Variants in PDE10A observed in about 807,000 individuals in gnomAD.
The protein encoded by PDE10A is cAMP and cAMP-inhibited cGMP 3',5'-cyclic phosphodiesterase 10A.
Under a neutral mutation model 97.7 loss-of-function variants are expected in PDE10A, and 39 were observed. The ratio of observed to expected loss-of-function variants is 0.40; its 90% CI spans 0.31 to 0.52. The LOEUF (loss-of-function observed/expected upper bound fraction) is 0.52, where lower values mean the gene tolerates loss of function less well. Among genes scored for constraint, PDE10A ranks in the 20% least tolerant of loss-of-function variants. The pLI is 0.56. For missense variants in PDE10A, 731 were observed against 1,047.8 expected (o/e 0.70, Z 4.17); for synonymous variants, 371 against 376.8 (o/e 0.98, Z 0.18).
rs554983839 is a variant in PDE10A at position 165,349,658 on chromosome 6, C to A, written c.2784-6156G>T. Among the ~76,000 whole-genome samples the A allele has an allele frequency of 4.6e-5, 7 of 152,278 alleles. No individual in the cohort carries two copies. In the East Asian group the frequency reaches 1.4e-3, roughly 29 times the overall value. ...GGATGTCTCCAGGGCACGTAAAAGA[C>A]CTTCATGGCAGCTCCTCCCATCACA... On this transcript the variant is annotated intron_variant, in intron 18 of 21. Transcript: ENST00000539869.
chr6:165,811,702 G>C (rs954424444), intron 1 of PDE10A, among the ~76,000 whole-genome samples: 1 of 152,162 alleles, frequency 6.6e-6, no homozygotes. Context: ...GAGGCCGGGA[G>C]GGGGGCTCTG....
intron 1 of PDE10A, among the ~76,000 whole-genome samples, chr6:165,758,610 A>G (rs148991646): frequency 6.6e-6 from 1 of 151,610 alleles, no homozygotes; most frequent in African/African-American, 2.4e-5. Context: ...GCAGCAGAAG[A>G]AGCAGCAGAA....
At chr6:165,765,835 C>G (rs367876872) in intron 1 of PDE10A, among the ~76,000 whole-genome samples, 11 of 152,116 alleles carry the variant, frequency 7.2e-5, no homozygotes, top group African/African-American at 2.7e-4. Flanking sequence ...ACTGCCAGCC[C>G]GCTGTCACCT....
chr6:165,912,158 ACTCTCT>A (rs915198382), intron 1 of PDE10A, among the ~76,000 whole-genome samples: 1 of 150,014 alleles, frequency 6.7e-6, no homozygotes, highest in Non-Finnish European at 1.5e-5. Context: ...TAACTATCTA[ACTCTCT>A]CTCTCTATCA....
chr6:165,845,939 C>A (rs1780404720), intron 1 of PDE10A, among the ~76,000 whole-genome samples: 1 of 151,980 alleles, frequency 6.6e-6, no homozygotes. Flanking sequence ...CGAAAAAACC[C>A]ACTGCCTTGT....
At chr6:165,800,693 C>T (rs944834480) in intron 1 of PDE10A, among the ~76,000 whole-genome samples, 1 of 152,224 alleles carries the variant, frequency 6.6e-6, no homozygotes, top group Non-Finnish European at 1.5e-5. Context: ...TGAAGCACCT[C>T]GTCCATGGAC....
chr6:165,498,068 AGTAT>A (rs1780642333), intron 2 of PDE10A, among the ~76,000 whole-genome samples: 1 of 152,062 alleles, frequency 6.6e-6, no homozygotes, highest in Admixed American at 6.6e-5. Context: ...ATGTTGCTTT[AGTAT>A]TTAGGATGTG....
chr6:165,823,271 A>T (rs951581362), intron 1 of PDE10A, among the ~76,000 whole-genome samples: 5 of 149,894 alleles, frequency 3.3e-5, no homozygotes, highest in East Asian at 2.0e-4. Context: ...AATTTTTTTT[A>T]AAAAAACTTA....
intron 1 of PDE10A, among the ~76,000 whole-genome samples, chr6:165,931,659 T>C (rs754610606): frequency 6.6e-6 from 1 of 152,218 alleles, no homozygotes; most frequent in African/African-American, 2.4e-5. Context: ...CATCTGATAT[T>C]TGTATTCCTT....
chr6:165,602,074 C>T lies in PDE10A; in HGVS notation c.866-58506G>A, dbSNP rs75115095. On this transcript the variant is annotated intron_variant, in intron 1 of 21. Transcript: ENST00000539869. ...TTCATTCAGCCCTTTTCTTCCCTGT[C>T]CCACTGTCCATTTCTGTTTTCACTA... Among the ~76,000 whole-genome samples, 113 of 152,296 alleles carry T rather than the reference C, an allele frequency of 7.4e-4. 1 individual carries two copies. Among genetic ancestry groups the T allele is most frequent in the African/African-American group, 2.5e-3 (105 of 41,566 alleles).
At chr6:165,896,697 TG>T (rs1781959513) in intron 1 of PDE10A, among the ~76,000 whole-genome samples, 1 of 152,012 alleles carries the variant, frequency 6.6e-6, no homozygotes, top group Non-Finnish European at 1.5e-5. Context: ...GCTAATTTTT[TG>T]TATTTTTAGT....
In PDE10A at chr6:165,406,859, T is replaced by C. The variant is rs981938276; in HGVS notation, c.2076+6642A>G. On this transcript the variant is annotated intron_variant, in intron 13 of 21. Transcript: ENST00000539869. ...TGTTCTAAAGCTGGGACACCTACCC[T>C]GTCCTTGAACATCAGATCTCCAGGA... Among the ~76,000 whole-genome samples, 3 of 152,312 alleles carry C rather than the reference T, an allele frequency of 2.0e-5. No homozygotes were observed. In the South Asian group the frequency reaches 6.2e-4, roughly 32 times the overall value.
At chr6:165,493,087 T>C (rs1203726350) in intron 2 of PDE10A, among the ~76,000 whole-genome samples, 1 of 151,988 alleles carries the variant, frequency 6.6e-6, no homozygotes, top group Non-Finnish European at 1.5e-5. Flanking sequence ...CCTTTTATAA[T>C]AGCTGCAAAA....
chr6:165,941,902 T>C (rs1445965948), intron 1 of PDE10A, among the ~76,000 whole-genome samples: 1 of 152,176 alleles, frequency 6.6e-6, no homozygotes, highest in Non-Finnish European at 1.5e-5. Context: ...CATTTCACCT[T>C]TCTTTAAGAG....
intron 1 of PDE10A, among the ~76,000 whole-genome samples, chr6:165,959,223 A>G (rs959669881): frequency 2.6e-5 from 4 of 152,176 alleles, no homozygotes; most frequent in African/African-American, 9.7e-5. Flanking sequence ...TTCCTAAAAA[A>G]TGTTCAGCTC....
intron 2 of PDE10A, among the ~76,000 whole-genome samples, chr6:165,522,618 C>T (rs1210684825): frequency 6.6e-6 from 1 of 152,030 alleles, no homozygotes; most frequent in Non-Finnish European, 1.5e-5. Flanking sequence ...GAACATACCT[C>T]AAAGTAGTTA....
chr6:165,744,430 A>T (rs1792798791), intron 1 of PDE10A, among the ~76,000 whole-genome samples: 3 of 152,148 alleles, frequency 2.0e-5, no homozygotes, highest in Admixed American at 2.0e-4. Flanking sequence ...TTCATGTTTA[A>T]TTCTAAATTG....
intron 1 of PDE10A, among the ~76,000 whole-genome samples, chr6:165,927,846 G>C (rs150989290): frequency 2.3e-4 from 35 of 149,458 alleles, no homozygotes; most frequent in Non-Finnish European, 4.6e-4. Flanking sequence ...ATAGGTGTGC[G>C]CCACCATGCC....
At chr6:165,350,866 C>G (rs9459376) in intron 18 of PDE10A, among the ~76,000 whole-genome samples, 2,445 of 152,212 alleles carry the variant, frequency 0.016, 79 homozygotes, top group African/African-American at 0.056. Context: ...GTTTGCTTCC[C>G]CTTCCATCAT....
Sources: allele counts gnomAD v4.1 joint callset (sites outside exome capture counted in the v4.1 genomes callset), GRCh38; gene constraint gnomAD v4.1.1; transcripts MANE v1.5; gene names NCBI Gene and HGNC (gene_info 2026-07-23, HGNC 2026-07-21).